Variants in TMEM181 observed in about 807,000 individuals in gnomAD.
The protein encoded by TMEM181 is G protein-coupled receptor 178.
In TMEM181, 39 loss-of-function variants were observed where a neutral mutation model predicts 71.9. The observed-to-expected ratio is 0.54, with a 90% CI of 0.42 to 0.71. The LOEUF (loss-of-function observed/expected upper bound fraction) is 0.71. Among genes scored for constraint, TMEM181 ranks in the 30% least tolerant of loss-of-function variants. The probability of loss-of-function intolerance (pLI) is 0.00; values close to 1 mark genes in which losing one functional copy is unlikely to be tolerated. For synonymous variants in TMEM181, 245 were observed against 228.8 expected, an observed-to-expected ratio of 1.07 and a Z score of -0.64; for missense variants, 595 against 583.0, an observed-to-expected ratio of 1.02 and a Z score of -0.21.
chr6:158,541,545 C>T (rs1936102236), intron 1 of TMEM181, among the ~76,000 whole-genome samples: 1 of 152,232 alleles, frequency 6.6e-6, no homozygotes, highest in South Asian at 2.1e-4. Flanking sequence ...CAGCCAGGCG[C>T]CACGTCTCCC....
At chr6:158,550,272 T>G (rs1180820161) in intron 1 of TMEM181, among the ~76,000 whole-genome samples, 1 of 151,590 alleles carries the variant, frequency 6.6e-6, no homozygotes, top group Non-Finnish European at 1.5e-5. Context: ...CTCGAACTCC[T>G]GACCTCAGGT....
At chr6:158,586,293 A>C (rs902024385) in intron 5 of TMEM181, among the ~76,000 whole-genome samples, 1 of 152,202 alleles carries the variant, frequency 6.6e-6, no homozygotes. Flanking sequence ...GGCAGCGTGG[A>C]GAACTTGGAG....
intron 6 of TMEM181, among the ~76,000 whole-genome samples, chr6:158,597,252 G>A (rs1457904358): frequency 2.6e-5 from 4 of 152,156 alleles, no homozygotes; most frequent in Non-Finnish European, 5.9e-5. Context: ...TATCTTTTAA[G>A]TAGATAGAAT....
chr6:158,604,975 A>G (rs376655526), intron 6 of TMEM181, among the ~76,000 whole-genome samples: 6 of 152,112 alleles, frequency 3.9e-5, no homozygotes, highest in Non-Finnish European at 8.8e-5. Context: ...TTTAACCTGC[A>G]TGGTGGCAGG....
At chr6:158,551,641 G>A (rs767727627) in intron 1 of TMEM181, among the ~76,000 whole-genome samples, 15 of 152,030 alleles carry the variant, frequency 9.9e-5, no homozygotes, top group East Asian at 3.9e-4. Flanking sequence ...AGGACCATTC[G>A]ACTTTTACAA....
At chr6:158,623,138 C>T (rs1473473881) in intron 10 of TMEM181, among the ~76,000 whole-genome samples, 2 of 152,172 alleles carry the variant, frequency 1.3e-5, no homozygotes, top group Non-Finnish European at 2.9e-5. Context: ...ATCTCAGCCA[C>T]CCATTTTCAT....
In TMEM181 at chr6:158,589,716, C is replaced by T. The variant is rs373212277; in HGVS notation, c.426C>T (p.Tyr142=). 22 of 1,614,056 alleles carry T rather than the reference C, an allele frequency of 1.4e-5. No homozygotes were observed. The highest frequency in any genetic ancestry group is 5.3e-5 in the African/African-American group (4 of 74,924). The change falls in exon 6 of 17, where the codon TAC becomes TAT. Residue 142 remains tyrosine, a synonymous_variant. Transcript: ENST00000684151. ...TGGCTCACCTTGGCTACCTGAACTACACTCAGTATACAGTGATAGTGGGAT... is the reference window on the plus strand; with the variant it reads ...TGGCTCACCTTGGCTACCTGAACTATACTCAGTATACAGTGATAGTGGGAT... ...IIVAHLGYLN[Y]TQYTVIVGFE... is the part of the protein sequence containing the mutation.
intron 3 of TMEM181, among the ~76,000 whole-genome samples, chr6:158,583,464 C>T (rs1047604728): frequency 2.6e-5 from 4 of 151,980 alleles, no homozygotes; most frequent in Admixed American, 6.6e-5. Flanking sequence ...GGAAGTTAGT[C>T]GTTTCTTCTT....
chr6:158,548,311 T>C (rs1269873643), intron 1 of TMEM181, among the ~76,000 whole-genome samples: 1 of 152,154 alleles, frequency 6.6e-6, no homozygotes, highest in African/African-American at 2.4e-5. Context: ...CCAGTAAAAT[T>C]GACATGGAAA....
intron 6 of TMEM181, among the ~76,000 whole-genome samples, chr6:158,593,880 T>C (rs533945637): frequency 6.6e-6 from 1 of 152,202 alleles, no homozygotes; most frequent in South Asian, 2.1e-4. Context: ...AGTGGTACAT[T>C]TGTTACAGTT....
intron 1 of TMEM181, among the ~76,000 whole-genome samples, chr6:158,542,787 T>C (rs530395512): frequency 7.2e-4 from 108 of 150,530 alleles, no homozygotes; most frequent in African/African-American, 2.5e-3. Context: ...GTATTTTTAG[T>C]AGAGAAGGGG....
chr6:158,599,644 C>T (rs536897326), intron 6 of TMEM181, among the ~76,000 whole-genome samples: 3 of 152,378 alleles, frequency 2.0e-5, no homozygotes, highest in Non-Finnish European at 4.4e-5. Flanking sequence ...GCCCACGGGA[C>T]GGAACGACCT....
upstream of TMEM181, among the ~76,000 whole-genome samples, chr6:158,557,029 T>G (rs1781916951): frequency 6.6e-6 from 1 of 152,118 alleles, no homozygotes; most frequent in Non-Finnish European, 1.5e-5. Context: ...CATGAGCCAC[T>G]GCACCTGGCC....
intron 5 of TMEM181, among the ~76,000 whole-genome samples, chr6:158,588,051 A>C (rs867045620): frequency 1.8e-4 from 27 of 152,228 alleles, no homozygotes; most frequent in Admixed American, 2.6e-4. Context: ...GGTGGACCAC[A>C]CACTTAAAGC....
intron 10 of TMEM181, among the ~76,000 whole-genome samples, chr6:158,613,483 G>C (rs1389861671): frequency 1.3e-5 from 2 of 152,104 alleles, no homozygotes; most frequent in East Asian, 3.9e-4. Flanking sequence ...CTATGAGTTG[G>C]GTGAATTCCT....
intron 6 of TMEM181, among the ~76,000 whole-genome samples, chr6:158,591,289 G>A (rs1784096075): frequency 6.6e-6 from 1 of 152,052 alleles, no homozygotes; most frequent in Admixed American, 6.6e-5. Context: ...TTTCCTTCCT[G>A]AAGCTGCCCC....
chr6:158,561,892 T>C (rs1782200536), intron 1 of TMEM181, among the ~76,000 whole-genome samples: 1 of 151,954 alleles, frequency 6.6e-6, no homozygotes, highest in Admixed American at 6.6e-5. Context: ...CTGAGAAGAG[T>C]TTGGTAGCAG....
rs145714004 is a variant in TMEM181, at chr6:158,585,399, C to G, written c.355C>G (p.Arg119Gly). 1 of 1,610,714 alleles carries G rather than the reference C, an allele frequency of 6.2e-7. No individual in the cohort carries two copies. The highest frequency in any genetic ancestry group is 1.3e-5 in the African/African-American group (1 of 74,808). ...TMYIHNKVHN[R>G]TRTLTCAGKC... ...GTACATTCATAACAAAGTTCACAAC[C>G]GGACAAGGACCCTCACATGTGCAGG... is the stretch of plus-strand genomic sequence containing the variant. Residue 119 changes from arginine (R) to glycine (G), a missense_variant, in exon 5 of 17, where the codon CGG becomes GGG. Arg to Gly is a moderately radical substitution (Grantham distance 125, BLOSUM62 -2). Transcript: ENST00000684151.
Position 158,625,728 on chromosome 6 carries a change from A to G in TMEM181, c.1083A>G (p.Ala361=). The G allele has an allele frequency of 2.5e-6, 4 of 1,611,096 alleles. No individual in the cohort carries two copies. The highest frequency in any genetic ancestry group is 3.4e-6 in the Non-Finnish European group (4 of 1,179,356). Residue 361 remains alanine (A), a synonymous_variant, in exon 13 of 17, where the codon GCA becomes GCG. Coordinates refer to ENST00000684151, the MANE Select transcript of TMEM181 (RefSeq NM_001376852.1). The stretch of plus-strand genomic sequence containing the variant: ...ATCTCAGGTTGAAATTTTTGACTGC[A>G]TTGACTTTCGTAGTACTTGTCATTA... The part of the protein sequence containing the change: ...YVDLRLKFLT[A]LTFVVLVISI...
Sources: allele counts gnomAD v4.1 joint callset (sites outside exome capture counted in the v4.1 genomes callset), GRCh38; gene constraint gnomAD v4.1.1; transcripts MANE v1.5; gene names NCBI Gene and HGNC (gene_info 2026-07-23, HGNC 2026-07-21).